The following RARB variants were observed in gnomAD, a reference collection of about 807,000 sequenced individuals.
RARB encodes retinoic acid receptor beta, also known as HBV-activated protein.
A neutral mutation model predicts 51.9 loss-of-function variants in RARB; 17 were observed. The observed-to-expected ratio is 0.33, with a 90% CI of 0.22 to 0.49. The LOEUF (loss-of-function observed/expected upper bound fraction) is 0.49. Among genes scored for constraint, RARB ranks in the 20% least tolerant of loss-of-function variants. The probability of loss-of-function intolerance (pLI) is 0.99; values close to 1 mark genes in which losing one functional copy is unlikely to be tolerated. For synonymous variants in RARB, 215 were observed against 195.4 expected (o/e 1.10, Z -0.84); for missense variants, 369 against 550.8 (o/e 0.67, Z 3.30).
At chr3:25,076,676 A>T (rs1469281047) in intron 3 of RARB, among the ~76,000 whole-genome samples, 1 of 152,232 alleles carries the variant, frequency 6.6e-6, no homozygotes, top group Non-Finnish European at 1.5e-5. Context: ...TTAAAAGCTT[A>T]ATTTTGTTTT....
chr3:25,402,460 C>T (rs1393383850), intron 5 of RARB, among the ~76,000 whole-genome samples: 1 of 152,180 alleles, frequency 6.6e-6, no homozygotes, highest in African/African-American at 2.4e-5. Context: ...TAGGTATATA[C>T]TCAAAAGAAA....
chr3:25,174,249 C>T (rs1700699362), exon 5 of RARB: 8 of 496,136 alleles, frequency 1.6e-5, no homozygotes, highest in African/African-American at 1.0e-4. Flanking sequence ...TGGGAAGAAG[C>T]AAGGTCATCA....
chr3:25,313,234 C>G (rs542291811), intron 5 of RARB, among the ~76,000 whole-genome samples: 1 of 152,260 alleles, frequency 6.6e-6, no homozygotes, highest in African/African-American at 2.4e-5. Context: ...GTGAGTGACC[C>G]TGGCTACTCC....
intron 1 of RARB, among the ~76,000 whole-genome samples, chr3:24,855,560 C>CT (rs1261466881): frequency 6.6e-6 from 1 of 152,052 alleles, no homozygotes; most frequent in African/African-American, 2.4e-5. Context: ...AAAGGATAAA[C>CT]TTTTGAGAGG....
chr3:24,831,437 A>G (rs1209108877), intron 1 of RARB, among the ~76,000 whole-genome samples: 1 of 152,208 alleles, frequency 6.6e-6, no homozygotes, highest in East Asian at 1.9e-4. Context: ...ATCAGGGAGT[A>G]ATTTGGTAAT....
chr3:25,587,917 T>G (rs556803232), intron 5 of RARB, among the ~76,000 whole-genome samples: 25 of 152,318 alleles, frequency 1.6e-4, no homozygotes, highest in African/African-American at 5.3e-4. Flanking sequence ...TGCCTCCCTC[T>G]GAGGTTTACA....
intron 5 of RARB, among the ~76,000 whole-genome samples, chr3:25,319,251 G>A (rs1055547840): frequency 1.3e-5 from 2 of 152,148 alleles, no homozygotes; most frequent in East Asian, 3.8e-4. Context: ...CTGAGATCCT[G>A]CCATCAAACC....
chr3:25,467,038 C>G (rs1164634878), intron 2 of RARB, among the ~76,000 whole-genome samples: 1 of 152,202 alleles, frequency 6.6e-6, no homozygotes, highest in Non-Finnish European at 1.5e-5. Context: ...AAGTTCATGT[C>G]CACCTGCCCA....
intron 5 of RARB, among the ~76,000 whole-genome samples, chr3:25,210,529 C>CTTTT (rs773846113): frequency 3.3e-4 from 9 of 27,616 alleles, no homozygotes; most frequent in African/African-American, 3.7e-4. Context: ...TTATCTGATT[C>CTTTT]TTTTTTTTTT....
intron 1 of RARB, among the ~76,000 whole-genome samples, chr3:25,432,635 A>G (rs1318857933): frequency 6.6e-6 from 1 of 150,640 alleles, no homozygotes; most frequent in Non-Finnish European, 1.5e-5. Flanking sequence ...TGGATATCAG[A>G]TGTTTATAAT....
intron 1 of RARB, among the ~76,000 whole-genome samples, chr3:24,829,874 T>G (rs1559365653): frequency 6.6e-6 from 1 of 152,198 alleles, no homozygotes; most frequent in Non-Finnish European, 1.5e-5. Context: ...CGGCGAAACC[T>G]GGCGCCCTTG....
chr3:24,907,221 T>C (rs1320494097), intron 2 of RARB, among the ~76,000 whole-genome samples: 6 of 152,178 alleles, frequency 3.9e-5, no homozygotes, highest in African/African-American at 7.2e-5. Context: ...TATCAAACTT[T>C]AGCATCAGAA....
chr3:25,267,169 G>T (rs987057857), intron 5 of RARB, among the ~76,000 whole-genome samples: 3 of 152,216 alleles, frequency 2.0e-5, no homozygotes, highest in African/African-American at 7.2e-5. Flanking sequence ...TCTACAGGGA[G>T]ATATTCTGAA....
chr3:25,563,120 C>T (rs547098236), intron 3 of RARB, among the ~76,000 whole-genome samples: 31 of 152,328 alleles, frequency 2.0e-4, no homozygotes, highest in African/African-American at 7.5e-4. Flanking sequence ...TGCTCAATTG[C>T]TGGCACAATG....
chr3:25,118,499 T>G (rs116797248), intron 3 of RARB, among the ~76,000 whole-genome samples: 1 of 152,186 alleles, frequency 6.6e-6, no homozygotes, highest in African/African-American at 2.4e-5. Flanking sequence ...AGCAAAGATA[T>G]AGCTTTGGAG....
intron 2 of RARB, among the ~76,000 whole-genome samples, chr3:24,996,408 G>A (rs1161971083): frequency 2.0e-5 from 3 of 151,834 alleles, no homozygotes; most frequent in Admixed American, 2.0e-4. Flanking sequence ...TTTCACAAAA[G>A]ATTTTTGTTT....
At chr3:24,956,257 A>G (rs1405310269) in intron 2 of RARB, among the ~76,000 whole-genome samples, 1 of 152,206 alleles carries the variant, frequency 6.6e-6, no homozygotes, top group African/African-American at 2.4e-5. Context: ...CAATGAAGAT[A>G]ATAATCAGAA....
chr3:25,071,661 T>C (rs1008965841), intron 3 of RARB, among the ~76,000 whole-genome samples: 19 of 152,210 alleles, frequency 1.2e-4, no homozygotes, highest in African/African-American at 4.3e-4. Flanking sequence ...TAATGAATTA[T>C]GGAATGCTGA....
At chr3:25,091,832 G>A (rs1699204687) in intron 3 of RARB, among the ~76,000 whole-genome samples, 1 of 152,176 alleles carries the variant, frequency 6.6e-6, no homozygotes, top group Non-Finnish European at 1.5e-5. Flanking sequence ...CTGTGGTGCT[G>A]TGATCATATT....
Sources: gnomAD v4.1 joint callset for allele counts (sites outside exome capture counted in the v4.1 genomes callset) on GRCh38, gnomAD v4.1.1 for gene constraint, MANE v1.5 for transcripts, NCBI Gene and HGNC (gene_info 2026-07-23, HGNC 2026-07-21) for gene names.